MYRIP: variants seen among roughly 807,000 people sequenced by gnomAD.
MYRIP encodes rab effector MyRIP.
MYRIP carries 49 observed loss-of-function variants against 98.0 expected under a neutral mutation model. That is an observed-to-expected ratio of 0.50 (90% CI 0.40 to 0.63). MYRIP has a LOEUF of 0.63. MYRIP is among the 30% of genes least tolerant of loss of function. MYRIP has a pLI of 0.00. For synonymous variants in MYRIP, 404 were observed against 409.5 expected, an observed-to-expected ratio of 0.99 and a Z score of 0.16; for missense variants, 1,004 against 1,058.2, an observed-to-expected ratio of 0.95 and a Z score of 0.71.
intron 1 of MYRIP, among the ~76,000 whole-genome samples, chr3:39,815,183 C>T (rs1002516033): frequency 2.0e-5 from 3 of 152,150 alleles, no homozygotes; most frequent in East Asian, 1.9e-4. Flanking sequence ...CCTCCACGCA[C>T]CCTGCCACAC....
At chr3:39,918,240 A>G (rs747127574) in intron 2 of MYRIP, among the ~76,000 whole-genome samples, 2 of 152,152 alleles carry the variant, frequency 1.3e-5, no homozygotes, top group Non-Finnish European at 2.9e-5. Flanking sequence ...AAAAATCTAT[A>G]TTCCCAAGGA....
intron 2 of MYRIP, among the ~76,000 whole-genome samples, chr3:39,934,727 G>A (rs1403443558): frequency 2.0e-5 from 3 of 152,150 alleles, no homozygotes; most frequent in South Asian, 2.1e-4. Flanking sequence ...TAATGTTTTT[G>A]TAGATGAGAA....
intron 2 of MYRIP, among the ~76,000 whole-genome samples, chr3:39,955,446 G>C (rs574006701): frequency 3.6e-4 from 55 of 152,198 alleles, no homozygotes; most frequent in South Asian, 2.9e-3. Flanking sequence ...AAATGAAGGA[G>C]AAATAAAATC....
At chr3:39,871,859 A>C (rs1057093917) in intron 1 of MYRIP, among the ~76,000 whole-genome samples, 7 of 152,076 alleles carry the variant, frequency 4.6e-5, no homozygotes, top group Non-Finnish European at 1.0e-4. Flanking sequence ...AGAGAATAAT[A>C]ATAAACAGTG....
rs867100600 is a variant in MYRIP, at chr3:39,814,372, A to G, written c.-31+4456A>G. On this transcript the variant is annotated intron_variant, in intron 1 of 16. Transcript: ENST00000302541. ...CCCTTAGAGATTATCTTTTTAATAT[A>G]TAGTTTTAATATAGTTTTTCAATTT... 2.6e-5 allele frequency among the ~76,000 whole-genome samples: 4 copies of G among 152,236 alleles called. No homozygotes were observed. In the South Asian group the frequency reaches 8.3e-4, roughly 32 times the overall value.
At chr3:40,079,238 C>A (rs1402479291) in intron 3 of MYRIP, among the ~76,000 whole-genome samples, 1 of 152,222 alleles carries the variant, frequency 6.6e-6, no homozygotes, top group Admixed American at 6.5e-5. Context: ...GAGCACCCTT[C>A]ATTACACTGG....
intron 1 of MYRIP, among the ~76,000 whole-genome samples, chr3:39,868,116 T>C (rs7612386): frequency 0.34 from 52,218 of 151,982 alleles, 9,115 homozygotes; most frequent in Middle Eastern, 0.47. Flanking sequence ...CCATATACTT[T>C]TGGGCCCTGC....
rs184887735 is a variant in MYRIP, at chr3:39,900,683, A to G, written c.-30-104A>G. On this transcript the variant is annotated intron_variant, in intron 1 of 16. Coordinates refer to ENST00000302541, the MANE Select transcript of MYRIP (RefSeq NM_015460.4). ...AAGAGAAAGATACTACCTTACATAA[A>G]CACTTACATATAAACACTATATTTA... is the stretch of plus-strand genomic sequence containing the variant. 108 of 590,356 alleles carry G rather than the reference A, an allele frequency of 1.8e-4. 1 individual carries two copies. In the East Asian group the frequency reaches 3.2e-3, roughly 17 times the overall value. 36.6% of individuals were successfully genotyped at this position (590,356 alleles called of 1,614,324 possible).
chr3:40,091,555 C>G (rs1948737798), intron 3 of MYRIP, among the ~76,000 whole-genome samples: 1 of 152,208 alleles, frequency 6.6e-6, no homozygotes, highest in African/African-American at 2.4e-5. Flanking sequence ...TGTGGCAAAT[C>G]ACAAACACCC....
intron 2 of MYRIP, among the ~76,000 whole-genome samples, chr3:40,016,638 C>T (rs928892761): frequency 6.6e-6 from 1 of 152,154 alleles, no homozygotes; most frequent in South Asian, 2.1e-4. Flanking sequence ...TCTCACTGCT[C>T]CCCACCTGAG....
chr3:40,094,674 C>T (rs1216060473), intron 3 of MYRIP, among the ~76,000 whole-genome samples: 2 of 152,160 alleles, frequency 1.3e-5, no homozygotes, highest in Admixed American at 1.3e-4. Flanking sequence ...CTGTTTCAGC[C>T]AGGCCTCTAT....
intron 2 of MYRIP, among the ~76,000 whole-genome samples, chr3:39,984,794 A>G (rs902430242): frequency 5.9e-5 from 9 of 151,970 alleles, no homozygotes; most frequent in Non-Finnish European, 1.3e-4. Flanking sequence ...TCCCTGAGGA[A>G]TCGCCACACT....
chr3:40,208,130 T>C (rs1951832334), intron 10 of MYRIP, among the ~76,000 whole-genome samples: 2 of 152,154 alleles, frequency 1.3e-5, no homozygotes, highest in African/African-American at 4.8e-5. Flanking sequence ...ATTCCCTGGA[T>C]GATGAAATAG....
intron 2 of MYRIP, among the ~76,000 whole-genome samples, chr3:40,030,292 C>A (rs1234968940): frequency 6.6e-6 from 1 of 152,058 alleles, no homozygotes; most frequent in Non-Finnish European, 1.5e-5. Flanking sequence ...GCATGAGATA[C>A]CACCTCACAC....
At chr3:40,244,898 G>T (rs1054029201) in intron 13 of MYRIP, among the ~76,000 whole-genome samples, 1 of 152,084 alleles carries the variant, frequency 6.6e-6, no homozygotes, top group Non-Finnish European at 1.5e-5. Flanking sequence ...TACTATACAG[G>T]TTTCCATTCC....
intron 10 of MYRIP, 35 bp from the exon 11 acceptor site, chr3:40,209,818 AG>A (rs781004072): frequency 6.2e-7 from 1 of 1,611,844 alleles, no homozygotes; most frequent in Non-Finnish European, 8.5e-7. Context: ...GCTGTAGCAG[AG>A]GGCTCCTCAT....
intron 1 of MYRIP, among the ~76,000 whole-genome samples, chr3:39,883,028 A>G (rs1321154193): frequency 6.6e-6 from 1 of 152,194 alleles, no homozygotes; most frequent in East Asian, 1.9e-4. Flanking sequence ...CTGAAGAGTC[A>G]TTGGGCCAGA....
At chr3:39,975,967 A>G (rs1307792490) in intron 2 of MYRIP, among the ~76,000 whole-genome samples, 1 of 152,184 alleles carries the variant, frequency 6.6e-6, no homozygotes, top group Non-Finnish European at 1.5e-5. Flanking sequence ...CCTAGACAAT[A>G]CCATTCAGGA....
At chr3:40,130,571 G>A (rs1949616662) in intron 3 of MYRIP, among the ~76,000 whole-genome samples, 1 of 151,456 alleles carries the variant, frequency 6.6e-6, no homozygotes, top group South Asian at 2.1e-4. Flanking sequence ...TAGTAGAGAC[G>A]GGGTTTCACC....
Sources: gnomAD v4.1 joint callset for allele counts (sites outside exome capture counted in the v4.1 genomes callset) on GRCh38, gnomAD v4.1.1 for gene constraint, MANE v1.5 for transcripts, NCBI Gene and HGNC (gene_info 2026-07-23, HGNC 2026-07-21) for gene names.